ACVR1: variants seen among roughly 807,000 people sequenced by gnomAD.
The protein encoded by ACVR1 is activin receptor type-1.
Under a neutral mutation model 57.1 loss-of-function variants are expected in ACVR1, and 38 were observed. The observed-to-expected ratio is 0.67, with a 90% CI of 0.51 to 0.87. ACVR1 has a LOEUF of 0.87. Among genes scored for constraint, ACVR1 ranks in the 40% least tolerant of loss-of-function variants. ACVR1 has a pLI of 0.00. For synonymous variants in ACVR1, 212 were observed against 228.1 expected (o/e 0.93, Z 0.63); for missense variants, 463 against 638.2 (o/e 0.73, Z 2.96).
chr2:157,764,192 AT>A (rs1306392790), intron 8 of ACVR1, among the ~76,000 whole-genome samples: 6 of 151,028 alleles, frequency 4.0e-5, no homozygotes, highest in Non-Finnish European at 5.9e-5. Context: ...CTATATATAT[AT>A]TTTTTTTTAG....
At chr2:157,766,872 A>G (rs1250723095) in intron 7 of ACVR1, among the ~76,000 whole-genome samples, 1 of 152,216 alleles carries the variant, frequency 6.6e-6, no homozygotes, top group Non-Finnish European at 1.5e-5. Flanking sequence ...ACTATAATAT[A>G]TATCTTCAAA....
At chr2:157,786,832 C>A (rs534859046) in intron 3 of ACVR1, among the ~76,000 whole-genome samples, 5 of 152,184 alleles carry the variant, frequency 3.3e-5, no homozygotes, top group Admixed American at 2.6e-4. Flanking sequence ...GACTTGGCTG[C>A]CTAGTAGAGA....
chr2:157,788,234 T>C (rs935474667), intron 3 of ACVR1, among the ~76,000 whole-genome samples: 6 of 152,172 alleles, frequency 3.9e-5, no homozygotes, highest in Non-Finnish European at 5.9e-5. Context: ...TCCCCCCTTA[T>C]GCACCGTTTC....
intron 6 of ACVR1, among the ~76,000 whole-genome samples, chr2:157,773,615 T>C (rs1686153992): frequency 6.6e-6 from 1 of 152,186 alleles, no homozygotes; most frequent in Non-Finnish European, 1.5e-5. Context: ...TGTATATAGC[T>C]CATATTTAAA....
At chr2:157,864,219 A>ATT (rs546464416) in intron 1 of ACVR1, among the ~76,000 whole-genome samples, 223 of 146,072 alleles carry the variant, frequency 1.5e-3, no homozygotes, top group African/African-American at 5.4e-3. Flanking sequence ...AATTTATATT[A>ATT]TTTTTTTTTT....
chr2:157,852,498 C>CAAAAAAAAAAA (rs548451104), intron 1 of ACVR1, among the ~76,000 whole-genome samples: 1 of 70,858 alleles, frequency 1.4e-5, no homozygotes. Context: ...GAGCCTGTCT[C>CAAAAAAAAAAA]AAAAAAAAAA....
chr2:157,806,047 C>G (rs755593087), intron 2 of ACVR1, among the ~76,000 whole-genome samples: 10 of 151,716 alleles, frequency 6.6e-5, no homozygotes, highest in Non-Finnish European at 1.0e-4. Flanking sequence ...AGTCTGGTCT[C>G]GAACTCCTGG....
At chr2:157,761,656 T>C (rs1300244730) in intron 8 of ACVR1, among the ~76,000 whole-genome samples, 1 of 152,234 alleles carries the variant, frequency 6.6e-6, no homozygotes, top group African/African-American at 2.4e-5. Flanking sequence ...AGCATTTAAC[T>C]GGACCTCAAT....
At chr2:157,761,169 C>T (rs1685637626) in intron 8 of ACVR1, 92 bp from the exon 9 acceptor site, 1 of 1,260,530 alleles carries the variant, frequency 7.9e-7, no homozygotes, top group African/African-American at 1.5e-5. Context: ...TCAAAAGTGC[C>T]CTCTTGTGGA....
At chr2:157,849,041 A>T (rs1049720321) in intron 1 of ACVR1, among the ~76,000 whole-genome samples, 1 of 152,240 alleles carries the variant, frequency 6.6e-6, no homozygotes, top group Non-Finnish European at 1.5e-5. Context: ...GTATATCCTG[A>T]TTCCAACCAA....
intron 1 of ACVR1, among the ~76,000 whole-genome samples, chr2:157,826,112 T>G: frequency 6.6e-6 from 1 of 152,192 alleles, no homozygotes; most frequent in East Asian, 1.9e-4. Flanking sequence ...TCTCAGGCAC[T>G]TTTACAAGAG....
At chr2:157,781,657 A>G (rs1686529690) in intron 3 of ACVR1, among the ~76,000 whole-genome samples, 1 of 152,242 alleles carries the variant, frequency 6.6e-6, no homozygotes, top group South Asian at 2.1e-4. Flanking sequence ...GGTGCAATGG[A>G]AAGAGGCAGA....
chr2:157,872,211 A>C (rs1473775135), intron 1 of ACVR1, among the ~76,000 whole-genome samples: 1 of 152,224 alleles, frequency 6.6e-6, no homozygotes, highest in African/African-American at 2.4e-5. Flanking sequence ...TTGCTTGGGA[A>C]AATAAAACAG....
chr2:157,871,425 T>A (rs1690109822), intron 1 of ACVR1, among the ~76,000 whole-genome samples: 1 of 152,192 alleles, frequency 6.6e-6, no homozygotes, highest in South Asian at 2.1e-4. Flanking sequence ...GGGTGATCCC[T>A]CAGGACACTT....
chr2:157,739,051 C>T (rs58611224), intron 9 of ACVR1, among the ~76,000 whole-genome samples: 55,889 of 152,130 alleles, frequency 0.37, 12,964 homozygotes, highest in African/African-American at 0.67. Context: ...ATACCCCTTT[C>T]TTTGTTAGAA....
intron 9 of ACVR1, among the ~76,000 whole-genome samples, chr2:157,754,478 C>T (rs1685339390): frequency 6.6e-6 from 1 of 152,114 alleles, no homozygotes; most frequent in Middle Eastern, 3.4e-3. Flanking sequence ...ACTATGAATA[C>T]CTTAACGTGC....
chr2:157,793,754 C>A (rs545936095), intron 3 of ACVR1, among the ~76,000 whole-genome samples: 2 of 152,262 alleles, frequency 1.3e-5, no homozygotes, highest in African/African-American at 4.8e-5. Context: ...CTTCCTGAAT[C>A]CCTAATAATG....
intron 1 of ACVR1, among the ~76,000 whole-genome samples, chr2:157,837,010 G>T (rs1029043945): frequency 4.6e-5 from 7 of 152,218 alleles, no homozygotes; most frequent in Admixed American, 3.9e-4. Context: ...TTGAGTAAAT[G>T]AGCTCCTTAA....
At chr2:157,842,169 A>G (rs1218607189) in intron 1 of ACVR1, among the ~76,000 whole-genome samples, 1 of 152,208 alleles carries the variant, frequency 6.6e-6, no homozygotes, top group South Asian at 2.1e-4. Flanking sequence ...CAACAGTCCA[A>G]TACTGAAGAA....
Sources: allele counts gnomAD v4.1 joint callset (sites outside exome capture counted in the v4.1 genomes callset), GRCh38; gene constraint gnomAD v4.1.1; transcripts MANE v1.5; gene names NCBI Gene and HGNC (gene_info 2026-07-23, HGNC 2026-07-21).